SCN3A: variants seen among roughly 807,000 people sequenced by gnomAD.
SCN3A encodes the protein sodium voltage-gated channel alpha subunit 3.
A neutral mutation model predicts 187.6 loss-of-function variants in SCN3A; 60 were observed. The observed-to-expected ratio is 0.32, with a 90% CI of 0.26 to 0.40. The LOEUF (loss-of-function observed/expected upper bound fraction) is 0.40, where lower values mean the gene tolerates loss of function less well. Ranked by LOEUF, SCN3A falls within the 10% of genes least tolerant of loss-of-function variation. The probability of loss-of-function intolerance (pLI) is 1.00; values close to 1 mark genes in which losing one functional copy is unlikely to be tolerated. For synonymous variants in SCN3A, 788 were observed against 829.2 expected (o/e 0.95, Z 0.85); for missense variants, 1,601 against 2,428.2 (o/e 0.66, Z 7.16).
At chr2:165,181,181 G>A (rs1253697311) in intron 2 of SCN3A, among the ~76,000 whole-genome samples, 2 of 152,112 alleles carry the variant, frequency 1.3e-5, no homozygotes, top group East Asian at 1.9e-4. Context: ...AGAATATGTT[G>A]TTTTATTGAA....
intron 18 of SCN3A, among the ~76,000 whole-genome samples, chr2:165,125,415 C>T (rs897524527): frequency 9.2e-5 from 14 of 151,984 alleles, no homozygotes; most frequent in Non-Finnish European, 2.9e-5. Flanking sequence ...ACCATTCTCC[C>T]GCCTCAGCCT....
chr2:165,192,615 A>G (rs779307596), intron 1 of SCN3A, among the ~76,000 whole-genome samples: 12 of 152,126 alleles, frequency 7.9e-5, no homozygotes, highest in Non-Finnish European at 1.6e-4. Flanking sequence ...TACATCTTAC[A>G]TACTCTGTAT....
chr2:165,131,203 T>C (rs757448119), intron 16 of SCN3A, 41 bp downstream of exon 16: 2 of 1,316,944 alleles, frequency 1.5e-6, no homozygotes, highest in Non-Finnish European at 1.0e-6. Context: ...TCAAAATAAA[T>C]GTTGTGCCAA....
intron 4 of SCN3A, 42 bp downstream of exon 4, chr2:165,170,388 C>A (rs2105910390): frequency 1.8e-6 from 2 of 1,110,070 alleles, no homozygotes; most frequent in Non-Finnish European, 2.8e-6. Context: ...TTAAAATCAA[C>A]TGTTAGAAAT....
chr2:165,147,892 G>A (rs1688448580), intron 11 of SCN3A, among the ~76,000 whole-genome samples: 1 of 152,068 alleles, frequency 6.6e-6, no homozygotes, highest in African/African-American at 2.4e-5. Flanking sequence ...GACATACAGA[G>A]GATATGAAAC....
intron 21 of SCN3A, among the ~76,000 whole-genome samples, chr2:165,104,780 TA>T (rs1685767829): frequency 6.6e-6 from 1 of 152,148 alleles, no homozygotes; most frequent in Non-Finnish European, 1.5e-5. Flanking sequence ...ACTCATCCAG[TA>T]AAAGCTCATT....
chr2:165,117,771 T>C (rs942154102), intron 18 of SCN3A, among the ~76,000 whole-genome samples: 2 of 152,116 alleles, frequency 1.3e-5, no homozygotes, highest in Non-Finnish European at 2.9e-5. Context: ...ATAGGAATGA[T>C]TTAATAAAAA....
At chr2:165,151,076 A>G (rs1159672491) in intron 11 of SCN3A, among the ~76,000 whole-genome samples, 1 of 152,186 alleles carries the variant, frequency 6.6e-6, no homozygotes, top group Non-Finnish European at 1.5e-5. Context: ...AGTTTTCTGT[A>G]TAAAATCAAT....
intron 8 of SCN3A, 77 bp from the exon 9 acceptor site, chr2:165,162,448 G>T: frequency 6.3e-7 from 1 of 1,590,950 alleles, no homozygotes; most frequent in South Asian, 1.1e-5. Context: ...ATCAGAGTTG[G>T]ACTATTTCAG....
chr2:165,131,231 TATAA>T lies in SCN3A; in HGVS notation c.2565+9_2565+12del, dbSNP rs776987005. ...TGTGCCAATGAGCGACAGGGATATA[TATAA>T]ATAGATACCAGTCTGAATGATCGCA... is the stretch of plus-strand genomic sequence containing the variant. On this transcript the variant is annotated intron_variant, in intron 16 of 27. Coordinates refer to ENST00000283254, the MANE Select transcript of SCN3A (RefSeq NM_006922.4). 1 of 1,562,064 alleles carries T rather than the reference TATAA, an allele frequency of 6.4e-7. No individual in the cohort carries two copies. The highest frequency in any genetic ancestry group is 8.7e-7 in the Non-Finnish European group (1 of 1,148,494).
chr2:165,188,489 G>A (rs1691377499), intron 1 of SCN3A, among the ~76,000 whole-genome samples: 1 of 152,092 alleles, frequency 6.6e-6, no homozygotes, highest in Non-Finnish European at 1.5e-5. Flanking sequence ...ACTTCAGTGA[G>A]CATAAGAATC....
intron 15 of SCN3A, among the ~76,000 whole-genome samples, chr2:165,133,785 A>C (rs193009051): frequency 4.5e-4 from 69 of 152,248 alleles, no homozygotes; most frequent in Non-Finnish European, 7.5e-4. Context: ...GGTATTGAAT[A>C]ATAGCTACTG....
At chr2:165,194,404 C>T (rs74756436) in intron 1 of SCN3A, among the ~76,000 whole-genome samples, 2,405 of 152,160 alleles carry the variant, frequency 0.016, 27 homozygotes, top group East Asian at 0.045. Flanking sequence ...TAGCAATACC[C>T]TTATACCCTG....
intron 9 of SCN3A, 144 bp from the exon 10 acceptor site, chr2:165,156,047 G>A (rs1047652741): frequency 1.1e-6 from 1 of 928,422 alleles, no homozygotes; most frequent in Non-Finnish European, 1.7e-6. Context: ...TTAGGTGATT[G>A]CCCACCGTGA....
chr2:165,160,395 T>C (rs1689290249), intron 9 of SCN3A, among the ~76,000 whole-genome samples: 6 of 152,122 alleles, frequency 3.9e-5, no homozygotes, highest in Admixed American at 3.3e-4. Flanking sequence ...GGTGGAAAAA[T>C]TGTCTTCCAC....
At chr2:165,096,591 C>T (rs1426204118) in intron 23 of SCN3A, 71 bp from the exon 24 acceptor site, 20 of 1,054,576 alleles carry the variant, frequency 1.9e-5, no homozygotes, top group Non-Finnish European at 2.8e-5. Context: ...AGATGAAAAT[C>T]TGACAGTATT....
At chr2:165,095,412 T>G (rs1379385418) in intron 25 of SCN3A, 99 bp downstream of exon 25, 3 of 1,241,408 alleles carry the variant, frequency 2.4e-6, no homozygotes, top group Non-Finnish European at 3.5e-6. Flanking sequence ...AATATAAACA[T>G]GATTTAAGTC....
intron 5 of SCN3A, among the ~76,000 whole-genome samples, chr2:165,167,705 T>C (rs141342206): frequency 6.6e-6 from 1 of 152,152 alleles, no homozygotes; most frequent in East Asian, 1.9e-4. Context: ...GATAAAGAAA[T>C]TGTGTTAGTT....
Position 165,127,868 on chromosome 2 carries a change from A to G in SCN3A, c.3156T>C (p.Asn1052=), listed in dbSNP as rs916652419. ...GCTCTTTGCTTATTTCAATTCCAGT[A>G]TTATTGGACATGCAGCTGTCTATCT... The part of the protein sequence containing the change: ...GNKIDSCMSN[N]TGIEISKELN... Residue 1052 remains asparagine (N), a synonymous_variant, in exon 18 of 28, where the codon AAT becomes AAC. Transcript: ENST00000283254. The G allele has an allele frequency of 5.6e-6, 9 of 1,614,036 alleles. No individual in the cohort carries two copies. The highest frequency in any genetic ancestry group is 1.1e-5 in the South Asian group (1 of 91,094).
Sources: gnomAD v4.1 joint callset for allele counts (sites outside exome capture counted in the v4.1 genomes callset) on GRCh38, gnomAD v4.1.1 for gene constraint, MANE v1.5 for transcripts, NCBI Gene and HGNC (gene_info 2026-07-23, HGNC 2026-07-21) for gene names.